The following USP43 variants were observed in gnomAD, a reference collection of about 807,000 sequenced individuals.
USP43 encodes the protein ubiquitin carboxyl-terminal hydrolase 43.
USP43 carries 33 observed loss-of-function variants against 90.7 expected under a neutral mutation model. The observed-to-expected ratio is 0.36, with a 90% CI of 0.28 to 0.49. The LOEUF (loss-of-function observed/expected upper bound fraction) is 0.49, where lower values mean the gene tolerates loss of function less well. USP43 is among the 20% of genes least tolerant of loss of function. The pLI is 0.98. For synonymous variants in USP43, 598 were observed against 615.8 expected, an observed-to-expected ratio of 0.97 and a Z score of 0.43; for missense variants, 1,274 against 1,476.4, an observed-to-expected ratio of 0.86 and a Z score of 2.25.
chr17:9,683,106 G>A (rs1914400219), intron 7 of USP43, 148 bp downstream of exon 7: 1 of 1,110,338 alleles, frequency 9.0e-7, no homozygotes, highest in Admixed American at 2.9e-5. Context: ...AAGAGGATTA[G>A]AAATATCTGC....
chr17:9,678,029 T>TA (rs1373832134), intron 5 of USP43, among the ~76,000 whole-genome samples: 2 of 152,078 alleles, frequency 1.3e-5, no homozygotes, highest in Non-Finnish European at 2.9e-5. Context: ...TAAAGTGCAC[T>TA]ATGGGGAGTT....
chr17:9,717,145 C>T lies in USP43; in HGVS notation c.2335+5013C>T, dbSNP rs544938811. Among the ~76,000 whole-genome samples the T allele has an allele frequency of 8.0e-5, 11 of 137,562 alleles. No individual in the cohort carries two copies. The East Asian group carries it at 2.1e-3, about 26-fold the overall frequency. 90.2% of individuals were successfully genotyped at this position (137,562 alleles called of 152,430 possible). On this transcript the variant is annotated intron_variant, in intron 14 of 14. Transcript: ENST00000285199. Reference sequence around the variant, plus strand: ...CTGCACTCCAGCCTGGGCAACAGAGCGAGACTCCCTCTCAAAAAAAAAAAA... The same window carrying T: ...CTGCACTCCAGCCTGGGCAACAGAGTGAGACTCCCTCTCAAAAAAAAAAAA...
At chr17:9,685,036 A>G (rs1914520004) in intron 7 of USP43, among the ~76,000 whole-genome samples, 1 of 152,146 alleles carries the variant, frequency 6.6e-6, no homozygotes, top group Non-Finnish European at 1.5e-5. Flanking sequence ...CCAAGGTTAT[A>G]TCTAGTTCCT....
At chr17:9,708,072 A>T (rs995070802) in intron 12 of USP43, among the ~76,000 whole-genome samples, 2 of 142,410 alleles carry the variant, frequency 1.4e-5, no homozygotes, top group Non-Finnish European at 3.0e-5. Flanking sequence ...GAATAATGGG[A>T]TGAATTGCAT....
intron 1 of USP43, among the ~76,000 whole-genome samples, chr17:9,649,677 T>TA (rs56962060): frequency 0.033 from 3,517 of 107,972 alleles, 97 homozygotes; most frequent in African/African-American, 0.075. Flanking sequence ...TTGCACATTG[T>TA]AAAAAAAAAA....
intron 12 of USP43, among the ~76,000 whole-genome samples, chr17:9,706,674 C>T (rs947613374): frequency 1.0e-4 from 13 of 123,988 alleles, no homozygotes; most frequent in African/African-American, 3.6e-4. Flanking sequence ...GACAGAGTCT[C>T]GCTCTGTGTC....
intron 8 of USP43, among the ~76,000 whole-genome samples, chr17:9,688,234 G>A (rs1914710661): frequency 7.0e-6 from 1 of 143,748 alleles, no homozygotes; most frequent in Non-Finnish European, 1.5e-5. Context: ...TGATCCACTG[G>A]CCTCGGCCTC....
Position 9,701,811 on chromosome 17 carries a change from G to T in USP43, c.2011+111G>T, listed in dbSNP as rs1316310678. 5.4e-6 allele frequency: 5 copies of T among 921,314 alleles called. No homozygotes were observed. Among genetic ancestry groups the T allele is most frequent in the African/African-American group, 1.7e-5 (1 of 59,982 alleles). 57.1% of individuals were successfully genotyped at this position (921,314 alleles called of 1,614,324 possible). On this transcript the variant is annotated intron_variant, in intron 12 of 14. Coordinates refer to ENST00000285199, the MANE Select transcript of USP43 (RefSeq NM_153210.5). This position sits in a 1 kb window ranked among gnomAD's most constrained non-coding sequence, Gnocchi z 7.2. ...CTCCCTGGGGCACTTATTGAGATCC[G>T]ACCCCTCACCCACCGCACACCAGGA...
Position 9,728,192 on chromosome 17 carries a change from T to C in USP43, c.2574T>C (p.Gly858=), listed in dbSNP as rs775318833. The C allele has an allele frequency of 6.2e-7, 1 of 1,613,442 alleles. No homozygotes were observed. ...SIVSLLTGTA[G]EDEKSASPRS... ...TGTCGCTGTTGACGGGCACTGCGGG[T>C]GAGGATGAGAAGTCAGCATCGCCGA... The change falls in exon 15 of 15, where the codon GGT becomes GGC. Residue 858 remains glycine (G), a synonymous_variant. Transcript: ENST00000285199. The surrounding 1 kb of genome is among the most constrained non-coding windows in gnomAD (Gnocchi z 6.2).
intron 14 of USP43, among the ~76,000 whole-genome samples, chr17:9,714,004 G>C (rs1259052707): frequency 6.6e-6 from 1 of 152,184 alleles, no homozygotes; most frequent in East Asian, 1.9e-4. Context: ...TTCCACCTCA[G>C]ATCATCAGGC....
chr17:9,681,434 ATATATAGATAAATATATATAAAATATAT>A (rs1914235716), intron 6 of USP43, among the ~76,000 whole-genome samples: 1 of 113,812 alleles, frequency 8.8e-6, no homozygotes, highest in Non-Finnish European at 1.8e-5. Context: ...TATCTATATT[ATATATAGATAAATATATATAAAATATAT>A]TATATATATA....
intron 4 of USP43, among the ~76,000 whole-genome samples, chr17:9,675,330 C>T (rs8075213): frequency 0.22 from 33,195 of 151,918 alleles, 4,116 homozygotes; most frequent in African/African-American, 0.35. Flanking sequence ...CCCAGCTTTA[C>T]TTCAACTTCA....
chr17:9,652,212 CAAA>C (rs769295315), intron 1 of USP43, among the ~76,000 whole-genome samples: 11 of 42,700 alleles, frequency 2.6e-4, no homozygotes, highest in Admixed American at 2.5e-4. Context: ...GCCCTTAGCG[CAAA>C]AAAAAAAAAA....
intron 14 of USP43, among the ~76,000 whole-genome samples, chr17:9,723,492 G>T (rs74346351): frequency 0.042 from 5,719 of 136,926 alleles, 227 homozygotes; most frequent in East Asian, 0.22. Flanking sequence ...GTAGTTTCTT[G>T]CTCTTCTCTT....
At chr17:9,656,380 T>C (rs1912245829) in intron 1 of USP43, 23 bp from the exon 2 acceptor site, 4 of 1,606,462 alleles carry the variant, frequency 2.5e-6, no homozygotes, top group African/African-American at 1.3e-5. Flanking sequence ...AATTCACCTC[T>C]CGATTTCCTT....
chr17:9,646,060 T>C lies in USP43; in HGVS notation c.428T>C (p.Val143Ala). The C allele has an allele frequency of 6.6e-7, 1 of 1,506,324 alleles. No homozygotes were observed. The highest frequency in any genetic ancestry group is 1.2e-5 in the South Asian group (1 of 80,304). 93.3% of individuals were successfully genotyped at this position (1,506,324 alleles called of 1,614,324 possible). Residue 143 changes from valine (V) to alanine (A), a missense_variant, in exon 1 of 15, where the codon GTC becomes GCC. Coordinates refer to ENST00000285199, the MANE Select transcript of USP43 (RefSeq NM_153210.5). ...RYRAAPGRAE[V>A]TEQLAALVRA... ...CGGGCGGCTCCGGGCCGCGCCGAGG[T>C]CACCGAGCAGCTGGCGGCGCTGGTG... is the stretch of plus-strand genomic sequence containing the variant.
intron 1 of USP43, among the ~76,000 whole-genome samples, chr17:9,649,868 C>T (rs1911738428): frequency 6.6e-6 from 1 of 151,942 alleles, no homozygotes; most frequent in Non-Finnish European, 1.5e-5. Flanking sequence ...TAATAATACA[C>T]AACAATCATT....
In USP43 at chr17:9,645,617, T is replaced by G. The variant is rs1911317964; in HGVS notation, c.-16T>G. ...CGCCCGGGGGCTCCGCGCCTGGAGC[T>G]GCGCCGGCGGCAGCCATGGACCTGG... On this transcript the variant is annotated 5_prime_UTR_variant, in exon 1 of 15. Transcript: ENST00000285199. This position sits in a 1 kb window ranked among gnomAD's most constrained non-coding sequence, Gnocchi z 6.8. 2.5e-5 allele frequency: 30 copies of G among 1,193,068 alleles called. No homozygotes were observed. The highest frequency in any genetic ancestry group is 3.0e-5 in the Non-Finnish European group (29 of 963,914). 73.9% of individuals were successfully genotyped at this position (1,193,068 alleles called of 1,614,324 possible).
intron 6 of USP43, 112 bp from the exon 7 acceptor site, chr17:9,682,705 CCCCCCA>C: frequency 6.0e-6 from 8 of 1,326,466 alleles, no homozygotes; most frequent in Non-Finnish European, 8.1e-6. Context: ...CCTCTAGTGG[CCCCCCA>C]TTGGTGGTTA....
Sources: allele counts gnomAD v4.1 joint callset (sites outside exome capture counted in the v4.1 genomes callset), GRCh38; gene constraint gnomAD v4.1.1; non-coding constraint Gnocchi (gnomAD v3.1); transcripts MANE v1.5; gene names NCBI Gene and HGNC (gene_info 2026-07-23, HGNC 2026-07-21).